PARM1: variants seen among roughly 807,000 people sequenced by gnomAD.
PARM1 encodes the protein WSC4, cell wall integrity and stress response component 4 homolog.
In PARM1, 14 loss-of-function variants were observed where a neutral mutation model predicts 24.6. The ratio of observed to expected loss-of-function variants is 0.57; its 90% CI spans 0.38 to 0.89. PARM1 has a LOEUF of 0.89. Among genes scored for constraint, PARM1 ranks in the 40% least tolerant of loss-of-function variants. The pLI is 0.00. For synonymous variants in PARM1, 179 were observed against 156.6 expected (o/e 1.14, Z -1.07); for missense variants, 362 against 380.4 (o/e 0.95, Z 0.40).
chr4:75,031,690 T>C lies in PARM1; in HGVS notation c.770-2193T>C, dbSNP rs180711768. On this transcript the variant is annotated intron_variant, in intron 2 of 3. Transcript: ENST00000307428. The stretch of plus-strand genomic sequence containing the variant: ...AAAAGGCCAAACCTGTGATTTCCTA[T>C]ATTAAACTATCCCTGGAGCAAGAAA... 2.6e-3 allele frequency among the ~76,000 whole-genome samples: 394 copies of C among 152,330 alleles called. 2 individuals carry two copies. The highest frequency in any genetic ancestry group is 3.7e-3 in the Non-Finnish European group (252 of 68,026).
At chr4:75,023,960 G>C (rs535661338) in intron 2 of PARM1, among the ~76,000 whole-genome samples, 42 of 152,236 alleles carry the variant, frequency 2.8e-4, no homozygotes, top group African/African-American at 9.9e-4. Context: ...ATTAACACTT[G>C]GTAAACACAG....
chr4:74,980,631 T>A (rs1722232328), intron 1 of PARM1, among the ~76,000 whole-genome samples: 1 of 152,034 alleles, frequency 6.6e-6, no homozygotes, highest in Non-Finnish European at 1.5e-5. Flanking sequence ...TCATATGGAA[T>A]CAAAAAATAG....
intron 2 of PARM1, among the ~76,000 whole-genome samples, chr4:75,016,960 G>A (rs777957917): frequency 6.6e-6 from 1 of 152,090 alleles, no homozygotes; most frequent in Admixed American, 6.5e-5. Flanking sequence ...CACTTAATAT[G>A]TCTAAGGCAA....
chr4:74,981,833 C>A (rs1237105445), intron 1 of PARM1, among the ~76,000 whole-genome samples: 1 of 149,844 alleles, frequency 6.7e-6, no homozygotes, highest in African/African-American at 2.5e-5. Context: ...CGAAATCGCG[C>A]CACTGCACAA....
intron 1 of PARM1, among the ~76,000 whole-genome samples, chr4:74,995,828 C>G (rs1363255640): frequency 6.6e-6 from 1 of 152,106 alleles, no homozygotes; most frequent in African/African-American, 2.4e-5. Flanking sequence ...GAGCGATCTT[C>G]CAAAAGCATC....
At chr4:75,042,153 A>C (rs1209111549) in intron 3 of PARM1, among the ~76,000 whole-genome samples, 1 of 152,214 alleles carries the variant, frequency 6.6e-6, no homozygotes, top group Non-Finnish European at 1.5e-5. Context: ...CATATACACT[A>C]TCTATGCTGC....
chr4:75,030,850 C>T (rs1289492268), intron 2 of PARM1, among the ~76,000 whole-genome samples: 1 of 152,180 alleles, frequency 6.6e-6, no homozygotes, highest in African/African-American at 2.4e-5. Context: ...CCCCCAGCCA[C>T]ACCTTCCTCA....
At chr4:75,018,517 TC>T (rs1415686063) in intron 2 of PARM1, among the ~76,000 whole-genome samples, 6 of 152,210 alleles carry the variant, frequency 3.9e-5, no homozygotes, top group Non-Finnish European at 8.8e-5. Context: ...AGTAGGCACG[TC>T]ACTTAGCTAC....
chr4:75,014,322 A>C (rs551008989), intron 2 of PARM1, among the ~76,000 whole-genome samples: 3 of 152,318 alleles, frequency 2.0e-5, no homozygotes, highest in African/African-American at 7.2e-5. Context: ...TTTATTTCAA[A>C]GGCCCAGTAT....
At chr4:75,028,675 A>G (rs1281446393) in intron 2 of PARM1, among the ~76,000 whole-genome samples, 1 of 152,208 alleles carries the variant, frequency 6.6e-6, no homozygotes, top group East Asian at 1.9e-4. Context: ...GGAGTCATCT[A>G]TGGATAGCAG....
chr4:75,038,514 CAG>C (rs1158140025), intron 3 of PARM1, among the ~76,000 whole-genome samples: 1 of 152,124 alleles, frequency 6.6e-6, no homozygotes, highest in African/African-American at 2.4e-5. Context: ...ATTCAAAGGA[CAG>C]GGGAGAGAAG....
chr4:75,017,704 G>A (rs1723013490), intron 2 of PARM1, among the ~76,000 whole-genome samples: 1 of 152,204 alleles, frequency 6.6e-6, no homozygotes, highest in African/African-American at 2.4e-5. Flanking sequence ...CACCATGAAA[G>A]CAAGGACCTT....
chr4:74,970,104 G>A (rs1721996594), intron 1 of PARM1: 1 of 152,210 alleles, frequency 6.6e-6, no homozygotes, highest in African/African-American at 2.4e-5. Flanking sequence ...ACGATGCAGA[G>A]GTTGAAACAC....
At chr4:74,962,052 C>T (rs1212053456) in intron 1 of PARM1, among the ~76,000 whole-genome samples, 1 of 151,952 alleles carries the variant, frequency 6.6e-6, no homozygotes, top group East Asian at 1.9e-4. Flanking sequence ...GTTTTTAATT[C>T]TACATTTTGT....
At chr4:74,950,916 T>C (rs1008845576) in intron 1 of PARM1, among the ~76,000 whole-genome samples, 2 of 151,900 alleles carry the variant, frequency 1.3e-5, no homozygotes, top group Non-Finnish European at 2.9e-5. Flanking sequence ...CTGCAGGCAC[T>C]GTGACAAGCA....
At chr4:74,955,451 T>C (rs1445500474) in intron 1 of PARM1, among the ~76,000 whole-genome samples, 1 of 152,232 alleles carries the variant, frequency 6.6e-6, no homozygotes, top group Non-Finnish European at 1.5e-5. Context: ...CACCTGAAAT[T>C]GTATCAAACA....
intron 1 of PARM1, among the ~76,000 whole-genome samples, chr4:74,955,527 C>T (rs962983647): frequency 6.6e-6 from 1 of 152,342 alleles, no homozygotes; most frequent in Middle Eastern, 3.4e-3. Flanking sequence ...AAGACCTGAA[C>T]TTTGTGCCCC....
At chr4:74,959,640 C>A (rs1721723621) in intron 1 of PARM1, among the ~76,000 whole-genome samples, 1 of 152,174 alleles carries the variant, frequency 6.6e-6, no homozygotes, top group South Asian at 2.1e-4. Context: ...ATTCTCAGCA[C>A]CATTATTTTC....
chr4:74,960,174 A>T (rs1721738013), intron 1 of PARM1, among the ~76,000 whole-genome samples: 1 of 152,216 alleles, frequency 6.6e-6, no homozygotes, highest in South Asian at 2.1e-4. Flanking sequence ...CTAATCTTTG[A>T]GGTGCACACA....
Sources: gnomAD v4.1 joint callset for allele counts (sites outside exome capture counted in the v4.1 genomes callset) on GRCh38, gnomAD v4.1.1 for gene constraint, MANE v1.5 for transcripts, NCBI Gene and HGNC (gene_info 2026-07-23, HGNC 2026-07-21) for gene names.